The following EP300 variants were observed in gnomAD, a reference collection of about 807,000 sequenced individuals.
EP300 encodes the protein histone acetyltransferase p300.
A neutral mutation model predicts 264.0 loss-of-function variants in EP300; 31 were observed. The ratio of observed to expected loss-of-function variants is 0.12; its 90% confidence interval spans 0.09 to 0.16. EP300 has a LOEUF of 0.16. Ranked by LOEUF, EP300 falls within the 10% of genes least tolerant of loss-of-function variation. EP300 has a pLI of 1.00. For missense variants in EP300, 2,766 were observed against 3,052.9 expected (o/e 0.91, Z 2.21); for synonymous variants, 1,340 against 1,045.4 (o/e 1.28, Z -5.44).
intron 7 of EP300, 48 bp downstream of exon 7, chr22:41,135,954 T>G: frequency 9.7e-6 from 13 of 1,337,820 alleles, no homozygotes; most frequent in Non-Finnish European, 1.4e-5. Flanking sequence ...CAAATACTAC[T>G]GGTTAACAAT....
intron 1 of EP300, among the ~76,000 whole-genome samples, chr22:41,093,325 A>G (rs1041905287): frequency 6.6e-6 from 1 of 152,214 alleles, no homozygotes; most frequent in African/African-American, 2.4e-5. Flanking sequence ...GTGTTCTGGA[A>G]TTAGAGCTCG....
At chr22:41,101,086 C>A (rs80022193) in intron 1 of EP300, among the ~76,000 whole-genome samples, 1 of 151,566 alleles carries the variant, frequency 6.6e-6, no homozygotes, top group Non-Finnish European at 1.5e-5. Flanking sequence ...ATTCTTTCTT[C>A]TTTTTAGACA....
At chr22:41,114,644 A>G (rs1018126414) in intron 1 of EP300, among the ~76,000 whole-genome samples, 1 of 152,190 alleles carries the variant, frequency 6.6e-6, no homozygotes, top group Non-Finnish European at 1.5e-5. Flanking sequence ...TGTGCTTACT[A>G]TGTTGCCAGT....
intron 4 of EP300, among the ~76,000 whole-genome samples, chr22:41,129,244 C>T (rs2058902070): frequency 6.6e-6 from 1 of 152,068 alleles, no homozygotes; most frequent in African/African-American, 2.4e-5. Context: ...ATCTCCTGAC[C>T]TCGTGATCCG....
intron 1 of EP300, among the ~76,000 whole-genome samples, chr22:41,108,323 G>A (rs544375988): frequency 1.4e-3 from 201 of 140,278 alleles, no homozygotes; most frequent in African/African-American, 5.1e-3. Flanking sequence ...ATCATGGCTC[G>A]CTGCAACCTC....
chr22:41,110,028 C>T (rs559321772), intron 1 of EP300, among the ~76,000 whole-genome samples: 47 of 151,126 alleles, frequency 3.1e-4, no homozygotes, highest in African/African-American at 1.1e-3. Context: ...TGGCCAGGCT[C>T]GAACTCTTGA....
chr22:41,095,439 T>G (rs1285886503), intron 1 of EP300, among the ~76,000 whole-genome samples: 1 of 151,626 alleles, frequency 6.6e-6, no homozygotes, highest in African/African-American at 2.4e-5. Flanking sequence ...ACCATATTGG[T>G]CAGGCTGGTC....
chr22:41,161,565 T>C (rs2059108640), intron 20 of EP300, among the ~76,000 whole-genome samples: 1 of 151,856 alleles, frequency 6.6e-6, no homozygotes, highest in South Asian at 2.1e-4. Context: ...TGCAGTGAGC[T>C]GAGATTGGGC....
At chr22:41,165,186 G>A (rs969778842) in intron 22 of EP300, among the ~76,000 whole-genome samples, 4 of 152,072 alleles carry the variant, frequency 2.6e-5, no homozygotes, top group Non-Finnish European at 4.4e-5. Context: ...AACAGATTTC[G>A]TAAGAATGAT....
chr22:41,094,294 C>T (rs1322101840), intron 1 of EP300, among the ~76,000 whole-genome samples: 2 of 152,156 alleles, frequency 1.3e-5, no homozygotes, highest in Non-Finnish European at 2.9e-5. Flanking sequence ...AGTGAGAGTG[C>T]ATAATGGAGT....
intron 2 of EP300, among the ~76,000 whole-genome samples, chr22:41,121,197 C>T (rs993769368): frequency 3.3e-5 from 5 of 151,926 alleles, no homozygotes; most frequent in Admixed American, 6.6e-5. Flanking sequence ...GTCTGCAGGA[C>T]GCATTTCTTG....
chr22:41,166,460 T>C, intron 22 of EP300, 139 bp from the exon 23 acceptor site: 1 of 655,422 alleles, frequency 1.5e-6, no homozygotes, highest in East Asian at 2.8e-5. Context: ...TAAAAGCTCT[T>C]TGTGTATTAG....
chr22:41,127,454 T>C (rs1349581371), intron 3 of EP300, 33 bp from the exon 4 acceptor site: 1 of 1,612,818 alleles, frequency 6.2e-7, no homozygotes. Context: ...ACATTATGAC[T>C]CCTACCATTA....
At chr22:41,134,815 A>G (rs1039601773) in intron 6 of EP300, among the ~76,000 whole-genome samples, 1 of 152,198 alleles carries the variant, frequency 6.6e-6, no homozygotes, top group Non-Finnish European at 1.5e-5. Flanking sequence ...TAACATGTAC[A>G]GCGGTAATGG....
intron 2 of EP300, among the ~76,000 whole-genome samples, chr22:41,118,166 C>T (rs1245121066): frequency 2.6e-5 from 4 of 152,140 alleles, no homozygotes; most frequent in African/African-American, 4.8e-5. Flanking sequence ...CAGATGGATA[C>T]TCCATTTGTT....
chr22:41,117,109 T>A lies in EP300; in HGVS notation c.95-78T>A, dbSNP rs2058825693. On this transcript the variant is annotated intron_variant, in intron 1 of 30. Coordinates refer to ENST00000263253, the MANE Select transcript of EP300 (RefSeq NM_001429.4). Reference sequence around the variant, plus strand: ...GAGGTTGGGAAATGACATTTAATGCTTATTGAGAACAATATAGAGCAGTTT... The same window carrying A: ...GAGGTTGGGAAATGACATTTAATGCATATTGAGAACAATATAGAGCAGTTT... 2.5e-6 allele frequency: 3 copies of A among 1,219,926 alleles called. No homozygotes were observed. The South Asian group carries it at 3.7e-5, about 15-fold the overall frequency. 75.6% of individuals were successfully genotyped at this position (1,219,926 alleles called of 1,614,324 possible).
intron 1 of EP300, among the ~76,000 whole-genome samples, chr22:41,102,621 G>A (rs2058737729): frequency 6.6e-6 from 1 of 152,122 alleles, no homozygotes; most frequent in African/African-American, 2.4e-5. Context: ...TAAGTAAAAG[G>A]AGGAATAGTT....
chr22:41,108,420 C>G (rs2267426), intron 1 of EP300, among the ~76,000 whole-genome samples: 85 of 151,732 alleles, frequency 5.6e-4, no homozygotes, highest in Non-Finnish European at 1.5e-4. Flanking sequence ...GGCTAATTTT[C>G]GTATTTTTTT....
chr22:41,130,902 G>A (rs2058915236), intron 5 of EP300, among the ~76,000 whole-genome samples: 2 of 151,918 alleles, frequency 1.3e-5, no homozygotes, highest in South Asian at 4.1e-4. Context: ...AGGGTTAAAG[G>A]ACAAATTTGG....
Sources: allele counts gnomAD v4.1 joint callset (sites outside exome capture counted in the v4.1 genomes callset), GRCh38; gene constraint gnomAD v4.1.1; transcripts MANE v1.5; gene names NCBI Gene and HGNC (gene_info 2026-07-23, HGNC 2026-07-21).